RUNDC3B: variants seen among roughly 807,000 people sequenced by gnomAD.
RUNDC3B encodes the protein RUN domain-containing protein 3B.
RUNDC3B carries 33 observed loss-of-function variants against 58.4 expected under a neutral mutation model. The ratio of observed to expected loss-of-function variants is 0.56; its 90% confidence interval spans 0.43 to 0.75. RUNDC3B has a LOEUF of 0.75. Among genes scored for constraint, RUNDC3B ranks in the 30% least tolerant of loss-of-function variants. The pLI is 0.00. For synonymous variants in RUNDC3B, 193 were observed against 195.2 expected (o/e 0.99, Z 0.10); for missense variants, 501 against 535.7 (o/e 0.94, Z 0.64).
rs749996681 is a variant in RUNDC3B at position 87,807,518 on chromosome 7, G to A, written c.1102G>A (p.Glu368Lys). 3.1e-6 allele frequency: 5 copies of A among 1,611,148 alleles called. No homozygotes were observed. The highest frequency in any genetic ancestry group is 3.3e-5 in the Admixed American group (2 of 59,976). The change falls in exon 9 of 11, where the codon GAG becomes AAG. Residue 368 changes from glutamate to lysine, a missense_variant and splice_region_variant. By Grantham distance (56) the Glu-to-Lys change is moderately conservative. Transcript: ENST00000394654. ...CCGAAAACACAATAAACAGTGGTAT[G>A]AGTAAGTGTAATACTTTTTTTTCCA... ...LYRKHNKQWYEKSYQSLDQLS... is the reference protein window; with the variant it reads ...LYRKHNKQWYKKSYQSLDQLS...
intron 1 of RUNDC3B, among the ~76,000 whole-genome samples, chr7:87,642,079 T>C (rs1216641189): frequency 6.6e-6 from 1 of 151,874 alleles, no homozygotes; most frequent in Non-Finnish European, 1.5e-5. Context: ...TCATCACTAA[T>C]AATGGAAATT....
chr7:87,783,995 T>C (rs771292762), intron 8 of RUNDC3B, among the ~76,000 whole-genome samples: 8 of 152,164 alleles, frequency 5.3e-5, no homozygotes, highest in Admixed American at 1.3e-4. Context: ...GGTCATCTTG[T>C]ATAGTATCTC....
chr7:87,830,288 G>A lies in RUNDC3B; in HGVS notation c.*258G>A. On this transcript the variant is annotated 3_prime_UTR_variant, in exon 11 of 11. Transcript: ENST00000394654. ...CTTTAAAAAAAAAAAAACTTTCAAA[G>A]ATCCGCCAAATCATTCATAGCAAAT... is the stretch of plus-strand genomic sequence containing the variant. 4.0e-6 allele frequency: 1 copy of A among 250,854 alleles called. No individual in the cohort carries two copies. The highest frequency in any genetic ancestry group is 7.5e-6 in the Non-Finnish European group (1 of 133,648). The allele number at this position is 250,854 out of a possible 1,614,324, so 15.5% of individuals were successfully genotyped here.
At chr7:87,702,003 CG>C (rs1829086885) in intron 3 of RUNDC3B, among the ~76,000 whole-genome samples, 1 of 151,492 alleles carries the variant, frequency 6.6e-6, no homozygotes, top group African/African-American at 2.4e-5. Flanking sequence ...ATTAGCCAGG[CG>C]TGGTGGTGGG....
At chr7:87,785,290 C>T (rs777301055) in intron 8 of RUNDC3B, among the ~76,000 whole-genome samples, 3 of 151,982 alleles carry the variant, frequency 2.0e-5, no homozygotes, top group Non-Finnish European at 2.9e-5. Context: ...ACAGACTGAA[C>T]CCTTCCCAGG....
chr7:87,754,413 C>T (rs1051804038), intron 6 of RUNDC3B, among the ~76,000 whole-genome samples: 21 of 152,094 alleles, frequency 1.4e-4, no homozygotes, highest in Admixed American at 1.3e-3. Context: ...ATACAACATA[C>T]CAGAATCTGT....
chr7:87,742,576 A>ATAGT, intron 6 of RUNDC3B, among the ~76,000 whole-genome samples: 1 of 47,672 alleles, frequency 2.1e-5, no homozygotes, highest in East Asian at 7.9e-4. Flanking sequence ...TCATAGATAA[A>ATAGT]TAGATAGATA....
intron 2 of RUNDC3B, among the ~76,000 whole-genome samples, chr7:87,673,931 G>T (rs1296473053): frequency 6.6e-6 from 1 of 152,134 alleles, no homozygotes; most frequent in Non-Finnish European, 1.5e-5. Flanking sequence ...GTGATATAAG[G>T]TAGGTTCAGT....
intron 8 of RUNDC3B, among the ~76,000 whole-genome samples, chr7:87,801,710 A>G (rs964534558): frequency 3.3e-5 from 5 of 152,180 alleles, no homozygotes. Context: ...CGGAGGTTGC[A>G]CTGAACTGAG....
At chr7:87,686,492 A>G (rs955459307) in intron 2 of RUNDC3B, among the ~76,000 whole-genome samples, 1 of 152,202 alleles carries the variant, frequency 6.6e-6, no homozygotes, top group Non-Finnish European at 1.5e-5. Flanking sequence ...GACTTTGATT[A>G]TTTATGGACT....
chr7:87,755,044 A>G (rs1291955917), intron 6 of RUNDC3B, among the ~76,000 whole-genome samples: 4 of 148,600 alleles, frequency 2.7e-5, no homozygotes, highest in Non-Finnish European at 5.9e-5. Flanking sequence ...TTTTTTTGAG[A>G]CAGAGTCTCA....
At chr7:87,825,550 G>T (rs959124881) in intron 10 of RUNDC3B, among the ~76,000 whole-genome samples, 3 of 152,220 alleles carry the variant, frequency 2.0e-5, no homozygotes, top group Admixed American at 2.0e-4. Flanking sequence ...CCCACACAGA[G>T]TCCCTACTGG....
At chr7:87,805,842 A>G (rs556820580) in intron 8 of RUNDC3B, among the ~76,000 whole-genome samples, 124 of 152,260 alleles carry the variant, frequency 8.1e-4, no homozygotes, top group African/African-American at 3.0e-3. Context: ...GGAATATATG[A>G]TAGAGAAAAA....
intron 4 of RUNDC3B, among the ~76,000 whole-genome samples, chr7:87,738,761 T>C (rs1360063806): frequency 1.3e-5 from 2 of 151,642 alleles, no homozygotes; most frequent in African/African-American, 4.8e-5. Flanking sequence ...AATTTATGGG[T>C]TTTTTTGCAA....
intron 8 of RUNDC3B, among the ~76,000 whole-genome samples, chr7:87,796,913 A>G (rs1313461651): frequency 2.6e-5 from 4 of 152,230 alleles, no homozygotes; most frequent in South Asian, 2.1e-4. Context: ...TATTGTGACA[A>G]TGGTTCGTAA....
At chr7:87,708,255 C>T (rs1646321390) in intron 3 of RUNDC3B, among the ~76,000 whole-genome samples, 1 of 151,866 alleles carries the variant, frequency 6.6e-6, no homozygotes, top group South Asian at 2.1e-4. Flanking sequence ...CAAGACTATT[C>T]AAGAAGATCA....
At chr7:87,672,576 A>T (rs1417882171) in intron 2 of RUNDC3B, among the ~76,000 whole-genome samples, 1 of 152,144 alleles carries the variant, frequency 6.6e-6, no homozygotes, top group Non-Finnish European at 1.5e-5. Context: ...ACTTTGCCAG[A>T]GCTGCAACTT....
chr7:87,715,892 C>G (rs552389821), intron 4 of RUNDC3B, among the ~76,000 whole-genome samples: 4 of 151,592 alleles, frequency 2.6e-5, no homozygotes, highest in Admixed American at 1.3e-4. Context: ...GGAGTAAGTG[C>G]GTGATATTGG....
At chr7:87,692,213 G>T (rs978294013) in intron 2 of RUNDC3B, among the ~76,000 whole-genome samples, 1 of 152,098 alleles carries the variant, frequency 6.6e-6, no homozygotes, top group Non-Finnish European at 1.5e-5. Context: ...TGCTTTGGGA[G>T]ACCACGGCAG....
Sources: gnomAD v4.1 joint callset for allele counts (sites outside exome capture counted in the v4.1 genomes callset) on GRCh38, gnomAD v4.1.1 for gene constraint, MANE v1.5 for transcripts, NCBI Gene and HGNC (gene_info 2026-07-23, HGNC 2026-07-21) for gene names.